The following CDON variants were observed in gnomAD, a reference collection of about 807,000 sequenced individuals.
The protein encoded by CDON is cell adhesion molecule-related/down-regulated by oncogenes.
In CDON, 73 loss-of-function variants were observed where a neutral mutation model predicts 120.9. The observed-to-expected ratio is 0.60, with a 90% CI of 0.50 to 0.73. The LOEUF is 0.73. CDON is among the 30% of genes least tolerant of loss of function. CDON has a pLI of 0.00. For missense variants in CDON, 1,470 were observed against 1,587.3 expected, an observed-to-expected ratio of 0.93 and a Z score of 1.26; for synonymous variants, 566 against 573.5, an observed-to-expected ratio of 0.99 and a Z score of 0.19.
In CDON at chr11:125,960,937, T is replaced by A. The variant is rs754422538; in HGVS notation, c.*5A>T. 1.2e-6 allele frequency: 2 copies of A among 1,613,968 alleles called. No homozygotes were observed. The highest frequency in any genetic ancestry group is 1.7e-5 in the Admixed American group (1 of 60,026). ...GTTGGAACATGACTGGTTGTTTGCA[T>A]GTCCTCAGGTTTCCCGGGGCTGCTG... On this transcript the variant is annotated 3_prime_UTR_variant, in exon 20 of 20. Coordinates refer to ENST00000531738, the MANE Select transcript of CDON (RefSeq NM_001378964.1).
chr11:126,015,235 G>C lies in CDON; in HGVS notation c.1198+6C>G, dbSNP rs1947427841. The stretch of plus-strand genomic sequence containing the variant: ...TTCTTATGACTGGCACGACCTAAAA[G>C]CCTACCATTTTCAATTTCAAGTCTT... On this transcript the variant is annotated splice_donor_region_variant and intron_variant, in intron 7 of 19. Transcript: ENST00000531738. 1 of 1,613,558 alleles carries C rather than the reference G, an allele frequency of 6.2e-7. No homozygotes were observed.
rs146478731 is a variant in CDON at position 126,037,063 on chromosome 11, T to A, written c.-61-13526A>T. 4.4e-3 allele frequency among the ~76,000 whole-genome samples: 663 copies of A among 152,008 alleles called. 6 individuals are homozygous for A. The highest frequency in any genetic ancestry group is 6.5e-3 in the Non-Finnish European group (443 of 67,994). Reference sequence around the variant, plus strand: ...GATTATAAGAATGCTGGGGGATGGATCCTTAATTTTCTAAAATCTCTTCAT... The same window carrying A: ...GATTATAAGAATGCTGGGGGATGGAACCTTAATTTTCTAAAATCTCTTCAT... On this transcript the variant is annotated intron_variant, in intron 1 of 19. Coordinates refer to ENST00000531738, the MANE Select transcript of CDON (RefSeq NM_001378964.1).
chr11:125,997,377 G>A lies in CDON; in HGVS notation c.2192C>T (p.Thr731Ile), dbSNP rs1306843025. Residue 731 changes from threonine to isoleucine, a missense_variant, in exon 12 of 20, where the codon ACT becomes ATT. Thr to Ile is a moderately conservative substitution (Grantham distance 89). Transcript: ENST00000531738. ...PEAPDRPTISTASETSVYVTW... is the reference protein window; with the variant it reads ...PEAPDRPTISIASETSVYVTW... The stretch of plus-strand genomic sequence containing the variant: ...GACATAGACTGATGTCTCTGATGCA[G>A]TGGAGATGGTAGGCCGATCTGGTGC... The A allele has an allele frequency of 1.2e-6, 2 of 1,613,868 alleles. No individual in the cohort carries two copies. The highest frequency in any genetic ancestry group is 1.7e-6 in the Non-Finnish European group (2 of 1,179,844).
chr11:126,055,465 T>C (rs2134947822), intron 1 of CDON, among the ~76,000 whole-genome samples: 1 of 152,340 alleles, frequency 6.6e-6, no homozygotes, highest in East Asian at 1.9e-4. Flanking sequence ...ATTTTAAATA[T>C]CAGTGATTAA....
intron 11 of CDON, among the ~76,000 whole-genome samples, chr11:125,998,473 C>T (rs923989592): frequency 2.0e-5 from 3 of 152,102 alleles, no homozygotes; most frequent in African/African-American, 4.8e-5. Context: ...TGCCTGCTCT[C>T]GCTTCACCTC....
intron 18 of CDON, among the ~76,000 whole-genome samples, chr11:125,963,815 A>T (rs1945716509): frequency 6.6e-6 from 1 of 152,198 alleles, no homozygotes; most frequent in African/African-American, 2.4e-5. Flanking sequence ...TAGCAAAAAA[A>T]TGCCTGATTT....
intron 19 of CDON, 95 bp downstream of exon 19, chr11:125,961,629 T>A (rs766886418): frequency 9.1e-6 from 14 of 1,545,964 alleles, no homozygotes; most frequent in Non-Finnish European, 8.8e-7. Context: ...AAACTAATCA[T>A]AGAGGGGAAA....
At position 125,956,958 on chromosome 11, in the gene CDON, A is replaced by G. The variant is rs1190849402; in HGVS notation, c.*3984T>C. 1.4e-6 allele frequency: 1 copy of G among 716,002 alleles called. No individual in the cohort carries two copies. The highest frequency in any genetic ancestry group is 1.7e-6 in the Non-Finnish European group (1 of 584,106). 44.4% of individuals were successfully genotyped at this position (716,002 alleles called of 1,614,324 possible). The stretch of plus-strand genomic sequence containing the variant: ...TACAAAAGGGCCACACCCGATGCAA[A>G]AGACTTTGCTGGCTTTCTGGTCAGA... On this transcript the variant is annotated 3_prime_UTR_variant, in exon 20 of 20. Coordinates refer to ENST00000531738, the MANE Select transcript of CDON (RefSeq NM_001378964.1).
At chr11:126,011,011 T>C in intron 7 of CDON, 1 of 436,444 alleles carries the variant, frequency 2.3e-6, no homozygotes, top group Non-Finnish European at 4.5e-6. Flanking sequence ...ATAGAACATA[T>C]AAGGTTGAAA....
At chr11:126,051,652 C>CTTTTTTTTTTT (rs66575795) in intron 1 of CDON, among the ~76,000 whole-genome samples, 1 of 139,960 alleles carries the variant, frequency 7.1e-6, no homozygotes. Context: ...TATTTTTTTT[C>CTTTTTTTTTTT]TTTTTTTTTT....
At chr11:125,977,381 G>A (rs946544254) in intron 18 of CDON, among the ~76,000 whole-genome samples, 2 of 152,170 alleles carry the variant, frequency 1.3e-5, no homozygotes, top group Non-Finnish European at 2.9e-5. Context: ...CCTTCTTCAA[G>A]TTCTGGTTTC....
intron 13 of CDON, 110 bp from the exon 14 acceptor site, chr11:125,994,499 C>T (rs1333784221): frequency 2.8e-6 from 2 of 719,812 alleles, no homozygotes; most frequent in African/African-American, 1.8e-5. Context: ...ATTTTGCAAA[C>T]ATACTAATAA....
intron 18 of CDON, among the ~76,000 whole-genome samples, chr11:125,965,206 C>T (rs1485174323): frequency 1.3e-5 from 2 of 152,170 alleles, no homozygotes; most frequent in African/African-American, 2.4e-5. Context: ...GCTAGGATTA[C>T]GGGCGTAAGC....
intron 1 of CDON, among the ~76,000 whole-genome samples, chr11:126,041,536 T>C (rs879897601): frequency 1.2e-4 from 19 of 152,220 alleles, no homozygotes; most frequent in Non-Finnish European, 2.4e-4. Flanking sequence ...AACTTCTGTA[T>C]AGTCAAAATC....
At chr11:125,981,503 C>A (rs1190239572) in intron 16 of CDON, among the ~76,000 whole-genome samples, 174 bp from the exon 17 acceptor site, 5 of 152,092 alleles carry the variant, frequency 3.3e-5, no homozygotes, top group African/African-American at 1.2e-4. Flanking sequence ...AAAACCCCTA[C>A]GAAACTACAA....
At chr11:126,051,105 C>T (rs919218393) in intron 1 of CDON, among the ~76,000 whole-genome samples, 1 of 152,030 alleles carries the variant, frequency 6.6e-6, no homozygotes, top group African/African-American at 2.4e-5. Flanking sequence ...ATCAGTTTCT[C>T]ATTCTTGGTT....
chr11:125,991,523 C>T (rs183844160), intron 14 of CDON, among the ~76,000 whole-genome samples: 58 of 152,244 alleles, frequency 3.8e-4, no homozygotes, highest in African/African-American at 1.3e-3. Flanking sequence ...TATAGTTTAT[C>T]TAAATGTGGA....
At chr11:125,971,424 T>C (rs891742545) in intron 18 of CDON, among the ~76,000 whole-genome samples, 1 of 111,520 alleles carries the variant, frequency 9.0e-6, no homozygotes, top group Non-Finnish European at 2.1e-5. Flanking sequence ...TAATAATTAA[T>C]GTTCTCATAT....
Position 126,034,640 on chromosome 11 carries a change from C to T in CDON, c.-61-11103G>A, listed in dbSNP as rs970057713. On this transcript the variant is annotated intron_variant, in intron 1 of 19. Coordinates refer to ENST00000531738, the MANE Select transcript of CDON (RefSeq NM_001378964.1). The surrounding 1 kb of genome is among the most constrained non-coding windows in gnomAD (Gnocchi z 4.5). ...CCAAGAATTGTGAAGATAATCCTGG[C>T]ATCCACAGTGGGTTGTACAGGAGCA... is the stretch of plus-strand genomic sequence containing the variant. Among the ~76,000 whole-genome samples, 50 of 152,302 alleles carry T rather than the reference C, an allele frequency of 3.3e-4. No individual in the cohort carries two copies. The highest frequency in any genetic ancestry group is 1.2e-3 in the African/African-American group (50 of 41,564).
Sources: gnomAD v4.1 joint callset for allele counts (sites outside exome capture counted in the v4.1 genomes callset) on GRCh38, gnomAD v4.1.1 for gene constraint, Gnocchi (gnomAD v3.1) non-coding constraint, MANE v1.5 for transcripts, NCBI Gene and HGNC (gene_info 2026-07-23, HGNC 2026-07-21) for gene names.